Variants in CADM2 observed in about 807,000 individuals in gnomAD.
CADM2 encodes cell adhesion molecule 2.
Under a neutral mutation model 49.8 loss-of-function variants are expected in CADM2, and 12 were observed. The observed-to-expected ratio is 0.24, with a 90% confidence interval of 0.15 to 0.39. CADM2 has a LOEUF of 0.39. CADM2 is among the 10% of genes least tolerant of loss of function. CADM2 has a pLI of 1.00. For missense variants in CADM2, 378 were observed against 492.3 expected (o/e 0.77, Z 2.20); for synonymous variants, 214 against 175.4 (o/e 1.22, Z -1.74).
Position 85,829,611 on chromosome 3 carries a change from A to AT in CADM2, c.238+27416dup, listed in dbSNP as rs377639924. Among the ~76,000 whole-genome samples the AT allele has an allele frequency of 2.6e-3, 399 of 152,050 alleles. 1 individual carries two copies. The highest frequency in any genetic ancestry group is 9.3e-3 in the African/African-American group (385 of 41,508). Reference sequence around the variant, plus strand: ...CATTTCCACCCATGCTGTACCTTGGATCCCCAGACCTTGTTCATCTTCTAG... The same window carrying AT: ...CATTTCCACCCATGCTGTACCTTGGATTCCCCAGACCTTGTTCATCTTCTAG... On this transcript the variant is annotated intron_variant, in intron 3 of 9. Coordinates refer to ENST00000383699, the MANE Select transcript of CADM2 (RefSeq NM_001167675.2).
intron 3 of CADM2, among the ~76,000 whole-genome samples, chr3:85,819,368 A>G (rs2073411150): frequency 6.6e-6 from 1 of 152,104 alleles, no homozygotes. Context: ...AACAACAATA[A>G]TTTGCATCCT....
chr3:85,376,854 A>G (rs1438435335), intron 1 of CADM2, among the ~76,000 whole-genome samples: 1 of 152,128 alleles, frequency 6.6e-6, no homozygotes, highest in Non-Finnish European at 1.5e-5. Context: ...TATTAATACA[A>G]TGCCAGAAAG....
chr3:85,698,878 C>T (rs1337315612), intron 1 of CADM2, among the ~76,000 whole-genome samples: 2 of 152,140 alleles, frequency 1.3e-5, no homozygotes, highest in African/African-American at 4.8e-5. Flanking sequence ...AAAGTCTTAA[C>T]TCATTTCAAC....
At chr3:85,443,939 G>GC (rs139639176) in intron 1 of CADM2, among the ~76,000 whole-genome samples, 4,410 of 152,026 alleles carry the variant, frequency 0.029, 84 homozygotes, top group Middle Eastern at 0.044. Context: ...GATTTAATGA[G>GC]CCCCCCAAAT....
chr3:85,282,330 C>T (rs1440425481), intron 1 of CADM2, among the ~76,000 whole-genome samples: 1 of 141,130 alleles, frequency 7.1e-6, no homozygotes, highest in Non-Finnish European at 1.5e-5. Flanking sequence ...AGTGTGAACT[C>T]GGCTCATGGC....
chr3:85,539,078 T>C (rs1322740526), intron 1 of CADM2, among the ~76,000 whole-genome samples: 2 of 151,738 alleles, frequency 1.3e-5, no homozygotes, highest in East Asian at 3.9e-4. Flanking sequence ...TTCACAAACA[T>C]AACCTTCTCG....
chr3:85,611,624 A>T (rs2063684944), intron 1 of CADM2, among the ~76,000 whole-genome samples: 2 of 151,830 alleles, frequency 1.3e-5, no homozygotes, highest in Admixed American at 1.3e-4. Context: ...TCTGTCTGAG[A>T]GTGAAGAGCT....
intron 1 of CADM2, among the ~76,000 whole-genome samples, chr3:85,431,084 T>C (rs2036641202): frequency 6.6e-6 from 1 of 152,172 alleles, no homozygotes; most frequent in East Asian, 1.9e-4. Flanking sequence ...GTACCTTTTC[T>C]ATGTTTAGAT....
At chr3:85,368,352 G>A (rs191464111) in intron 1 of CADM2, among the ~76,000 whole-genome samples, 178 of 152,094 alleles carry the variant, frequency 1.2e-3, no homozygotes, top group African/African-American at 4.1e-3. Flanking sequence ...CATTATACAC[G>A]TAAATGATTA....
intron 1 of CADM2, among the ~76,000 whole-genome samples, chr3:85,085,573 T>C (rs1397410007): frequency 6.6e-6 from 1 of 152,144 alleles, no homozygotes; most frequent in Non-Finnish European, 1.5e-5. Flanking sequence ...TTTGGAGGAA[T>C]AATTACTACT....
At chr3:85,265,604 C>G (rs1030463496) in intron 1 of CADM2, among the ~76,000 whole-genome samples, 7 of 152,128 alleles carry the variant, frequency 4.6e-5, no homozygotes, top group African/African-American at 1.7e-4. Flanking sequence ...CCCTCATGAA[C>G]TAATCACCAA....
intron 5 of CADM2, among the ~76,000 whole-genome samples, chr3:85,892,757 G>A (rs1714635762): frequency 6.6e-6 from 1 of 152,126 alleles, no homozygotes. Flanking sequence ...AGACACTGCT[G>A]TAAAGTTACC....
intron 6 of CADM2, among the ~76,000 whole-genome samples, chr3:85,929,282 C>T (rs1720298781): frequency 6.6e-6 from 1 of 152,038 alleles, no homozygotes. Flanking sequence ...TCTGGAATTA[C>T]TGTTTAAGTA....
At chr3:85,796,583 T>C (rs1577329674) in intron 2 of CADM2, among the ~76,000 whole-genome samples, 1 of 152,230 alleles carries the variant, frequency 6.6e-6, no homozygotes, top group East Asian at 1.9e-4. Flanking sequence ...TGATATCAGA[T>C]TTTTTACTTG....
chr3:85,562,953 A>T (rs936521262), intron 1 of CADM2, among the ~76,000 whole-genome samples: 1 of 152,166 alleles, frequency 6.6e-6, no homozygotes, highest in Admixed American at 6.5e-5. Flanking sequence ...ATGGCCTTAC[A>T]TTTTTAAATA....
At chr3:85,132,428 A>G (rs960223816) in intron 1 of CADM2, among the ~76,000 whole-genome samples, 4 of 152,184 alleles carry the variant, frequency 2.6e-5, no homozygotes, top group African/African-American at 7.2e-5. Context: ...ATTAAGTGGC[A>G]CCTGGCAGGC....
chr3:85,304,228 T>C (rs1396683658), intron 1 of CADM2, among the ~76,000 whole-genome samples: 2 of 151,814 alleles, frequency 1.3e-5, no homozygotes, highest in Admixed American at 6.6e-5. Context: ...AATGAGCATG[T>C]CAAAGTGGTA....
chr3:85,870,095 A>G (rs1393965901), intron 3 of CADM2, among the ~76,000 whole-genome samples: 1 of 152,194 alleles, frequency 6.6e-6, no homozygotes, highest in East Asian at 1.9e-4. Context: ...TCCTGGGCTC[A>G]TTAGAAACAA....
chr3:85,226,490 G>A (rs114673799), intron 1 of CADM2, among the ~76,000 whole-genome samples: 14,679 of 151,818 alleles, frequency 0.097, 880 homozygotes, highest in African/African-American at 0.17. Flanking sequence ...ATTTTTTATC[G>A]CACCTATTTG....
Sources: gnomAD v4.1 joint callset for allele counts (sites outside exome capture counted in the v4.1 genomes callset) on GRCh38, gnomAD v4.1.1 for gene constraint, MANE v1.5 for transcripts, NCBI Gene and HGNC (gene_info 2026-07-23, HGNC 2026-07-21) for gene names.